Variants in THSD7B observed in about 807,000 individuals in gnomAD.
THSD7B encodes thrombospondin type 1 domain containing 7B, also known as thrombospondin type-1 domain-containing protein 7B.
THSD7B carries 138 observed loss-of-function variants against 213.6 expected under a neutral mutation model. That is an observed-to-expected ratio of 0.65 (90% confidence interval 0.56 to 0.74). The LOEUF (loss-of-function observed/expected upper bound fraction) is 0.74, where lower values mean the gene tolerates loss of function less well. THSD7B is among the 30% of genes least tolerant of loss of function. The pLI, the probability that THSD7B is intolerant of heterozygous loss-of-function variation, is 0.00. For missense variants in THSD7B, 1,931 were observed against 1,991.5 expected (o/e 0.97, Z 0.58); for synonymous variants, 742 against 687.0 (o/e 1.08, Z -1.25).
chr2:136,979,496 A>G (rs922938570), intron 2 of THSD7B, among the ~76,000 whole-genome samples: 1 of 151,486 alleles, frequency 6.6e-6, no homozygotes, highest in Admixed American at 6.6e-5. Context: ...ATTTCTTTTT[A>G]TTCTTTTTCT....
chr2:137,530,444 A>T (rs748272939), intron 15 of THSD7B, among the ~76,000 whole-genome samples: 4 of 151,996 alleles, frequency 2.6e-5, no homozygotes, highest in Non-Finnish European at 4.4e-5. Context: ...AAACAACTGA[A>T]ATGGGACTAA....
At chr2:137,010,581 C>T (rs1223037091) in intron 2 of THSD7B, among the ~76,000 whole-genome samples, 2 of 152,190 alleles carry the variant, frequency 1.3e-5, no homozygotes, top group Non-Finnish European at 2.9e-5. Context: ...GGGGCAGGCT[C>T]ATATTGTTTG....
At chr2:137,267,333 ATTC>A (rs1682613808) in intron 10 of THSD7B, among the ~76,000 whole-genome samples, 2 of 152,164 alleles carry the variant, frequency 1.3e-5, no homozygotes, top group South Asian at 2.1e-4. Flanking sequence ...ATTTATTGTT[ATTC>A]TTCTTCATAG....
chr2:137,088,206 C>T (rs1467952501), intron 3 of THSD7B, among the ~76,000 whole-genome samples: 1 of 151,738 alleles, frequency 6.6e-6, no homozygotes, highest in Non-Finnish European at 1.5e-5. Context: ...CACCACTGCA[C>T]TCCAGCCTGG....
At chr2:137,137,673 C>A (rs1188283766) in intron 5 of THSD7B, among the ~76,000 whole-genome samples, 1 of 151,958 alleles carries the variant, frequency 6.6e-6, no homozygotes, top group Non-Finnish European at 1.5e-5. Context: ...ATGTTTGCAC[C>A]ACAAAATTGC....
Position 137,663,516 on chromosome 2 carries a change from C to CT in THSD7B, c.4593dup (p.Val1532CysfsTer7). ...AAAAACCTTTCTGGGAAAAACAGAC[C>CT]TGTGAATTCAAAAATACATGATATT... is the stretch of plus-strand genomic sequence containing the variant. On this transcript the variant is annotated frameshift_variant, in exon 26 of 28. Coordinates refer to ENST00000409968, the MANE Select transcript of THSD7B (RefSeq NM_001316349.2). LOFTEE classifies it high-confidence loss of function. 1 of 1,608,122 alleles carries CT rather than the reference C, an allele frequency of 6.2e-7. No individual in the cohort carries two copies. Among genetic ancestry groups the CT allele is most frequent in the Non-Finnish European group, 8.5e-7 (1 of 1,176,932 alleles).
chr2:137,362,596 C>G (rs1439317743), intron 12 of THSD7B, among the ~76,000 whole-genome samples: 1 of 151,824 alleles, frequency 6.6e-6, no homozygotes, highest in African/African-American at 2.4e-5. Context: ...TCGTCTCTGA[C>G]AAAAACAGTC....
chr2:136,996,537 G>T (rs186084650), intron 2 of THSD7B, among the ~76,000 whole-genome samples: 9 of 151,990 alleles, frequency 5.9e-5, no homozygotes, highest in Middle Eastern at 3.4e-3. Context: ...TAGAGATGGG[G>T]TCTTTCTTAT....
chr2:137,242,460 T>C lies in THSD7B; in HGVS notation c.2154T>C (p.Cys718=). Residue 718 remains cysteine (C), a synonymous_variant, in exon 10 of 28, where the codon TGT becomes TGC. Coordinates refer to ENST00000409968, the MANE Select transcript of THSD7B (RefSeq NM_001316349.2). ...CATGGTCTTTTCACATTGACAGATG[T>C]CCAGATTCTACTCGACCTGAAACTG... ...SHVGQVMTKR[C]PDSTRPETVR... is the part of the protein sequence containing the mutation. 6.2e-7 allele frequency: 1 copy of C among 1,612,870 alleles called. No individual in the cohort carries two copies. Among genetic ancestry groups the C allele is most frequent in the Non-Finnish European group, 8.5e-7 (1 of 1,178,910 alleles).
chr2:137,575,528 A>G (rs193066697), intron 17 of THSD7B, among the ~76,000 whole-genome samples: 11 of 152,054 alleles, frequency 7.2e-5, no homozygotes, highest in Non-Finnish European at 1.5e-4. Flanking sequence ...GTAACTACCA[A>G]TTGCAAACCA....
At chr2:137,289,977 A>G (rs1683286268) in intron 12 of THSD7B, among the ~76,000 whole-genome samples, 1 of 152,074 alleles carries the variant, frequency 6.6e-6, no homozygotes, top group South Asian at 2.1e-4. Flanking sequence ...CCAAGGTATA[A>G]GGGCAATGTG....
At chr2:137,160,510 T>A in intron 6 of THSD7B, 142 bp downstream of exon 6, 1 of 1,110,556 alleles carries the variant, frequency 9.0e-7, no homozygotes, top group Non-Finnish European at 1.3e-6. Context: ...CGGTATTCAG[T>A]TTTAGGGAGG....
intron 12 of THSD7B, among the ~76,000 whole-genome samples, chr2:137,284,269 A>C (rs1429711446): frequency 2.5e-4 from 38 of 151,840 alleles, no homozygotes; most frequent in Non-Finnish European, 1.3e-4. Context: ...TTTTTATTGC[A>C]TCTATTTGAT....
intron 2 of THSD7B, among the ~76,000 whole-genome samples, chr2:136,892,081 GC>G (rs1424404156): frequency 3.0e-4 from 46 of 152,144 alleles, no homozygotes; most frequent in Middle Eastern, 3.4e-3. Context: ...CTTCAGGGCA[GC>G]CGGGATCCTT....
At chr2:136,982,614 T>G (rs1685601327) in intron 2 of THSD7B, among the ~76,000 whole-genome samples, 1 of 152,182 alleles carries the variant, frequency 6.6e-6, no homozygotes, top group African/African-American at 2.4e-5. Context: ...TGGAATTGTC[T>G]TGGGAGTCTA....
intron 12 of THSD7B, among the ~76,000 whole-genome samples, chr2:137,353,407 T>C (rs1685057532): frequency 6.6e-6 from 1 of 152,092 alleles, no homozygotes; most frequent in Non-Finnish European, 1.5e-5. Context: ...TGGGCAGTGG[T>C]CTGCGCATCC....
chr2:137,419,440 A>T (rs1202095397), intron 14 of THSD7B, among the ~76,000 whole-genome samples: 1 of 132,174 alleles, frequency 7.6e-6, no homozygotes, highest in Non-Finnish European at 1.7e-5. Context: ...ACAGAGAATA[A>T]TGTTACTGAG....
intron 1 of THSD7B, among the ~76,000 whole-genome samples, chr2:136,773,231 C>T (rs540500274): frequency 9.9e-5 from 15 of 152,084 alleles, no homozygotes; most frequent in Admixed American, 4.6e-4. Flanking sequence ...GTGTGCCAGA[C>T]GCTACTCTAC....
intron 2 of THSD7B, among the ~76,000 whole-genome samples, chr2:137,043,678 C>A (rs1007393891): frequency 2.0e-5 from 3 of 152,136 alleles, no homozygotes; most frequent in Non-Finnish European, 2.9e-5. Context: ...AGCTTGCACA[C>A]AAACCCCAGA....
Sources: gnomAD v4.1 joint callset for allele counts (sites outside exome capture counted in the v4.1 genomes callset) on GRCh38, gnomAD v4.1.1 for gene constraint, MANE v1.5 for transcripts, NCBI Gene and HGNC (gene_info 2026-07-23, HGNC 2026-07-21) for gene names.